SYTL4: variants seen among roughly 807,000 people sequenced by gnomAD.
The protein encoded by SYTL4 is synaptotagmin-like protein 4.
In SYTL4, 16 loss-of-function variants were observed where a neutral mutation model predicts 52.7. The ratio of observed to expected loss-of-function variants is 0.30; its 90% confidence interval spans 0.21 to 0.46. The LOEUF (loss-of-function observed/expected upper bound fraction) is 0.46. Among genes scored for constraint, SYTL4 ranks in the 20% least tolerant of loss-of-function variants. SYTL4 has a pLI of 1.00. For missense variants in SYTL4, 423 were observed against 519.9 expected, an observed-to-expected ratio of 0.81 and a Z score of 1.81; for synonymous variants, 160 against 186.6, an observed-to-expected ratio of 0.86 and a Z score of 1.16.
chrX:100,698,348 C>A (rs1464477786), intron 8 of SYTL4, among the ~76,000 whole-genome samples: 3 of 111,198 alleles, frequency 2.7e-5, no homozygotes, highest in Non-Finnish European at 3.8e-5. Flanking sequence ...TGTGATCCGC[C>A]CGCCTCGGCC....
rs908392026 is a variant in SYTL4, at chrX:100,701,226, G to A, written c.430C>T (p.Pro144Ser). The A allele has an allele frequency of 5.9e-5, 71 of 1,203,838 alleles. No homozygotes were observed. The highest frequency in any genetic ancestry group is 2.7e-4 in the South Asian group (15 of 56,399). ...EIIRMSLRHK[P>S]AVSKRETVGQ... ...CTCTAGACAGGTCCAGTACCTGCAGGTTTGTGGCGCAGGGACATCCTGATT... is the reference window on the plus strand; with the variant it reads ...CTCTAGACAGGTCCAGTACCTGCAGATTTGTGGCGCAGGGACATCCTGATT... Residue 144 changes from proline to serine, a missense_variant, in exon 7 of 20, where the codon CCT (proline) becomes TCT (serine). By Grantham distance (74) the Pro-to-Ser change is moderately conservative. Coordinates refer to ENST00000372989, the MANE Select transcript of SYTL4 (RefSeq NM_001370165.1).
chrX:100,690,601 A>T lies in SYTL4; in HGVS notation c.679T>A (p.Trp227Arg). ...GATTTGGGAGCAGACATCTTCTTCCATTCTGGAAAGAGGCCAGATTTATCC... is the reference window on the plus strand; with the variant it reads ...GATTTGGGAGCAGACATCTTCTTCCTTTCTGGAAAGAGGCCAGATTTATCC... ...SLDKSGLFPE[W>R]KKMSAPKSQV... The change falls in exon 10 of 20, where the codon TGG becomes AGG. Residue 227 changes from tryptophan to arginine, a missense_variant. Physicochemically the swap from Trp to Arg is moderately radical, Grantham distance 101 (BLOSUM62 -3). Transcript: ENST00000372989. 8.3e-7 allele frequency: 1 copy of T among 1,207,998 alleles called. No homozygotes were observed. Among genetic ancestry groups the T allele is most frequent in the African/African-American group, 1.7e-5 (1 of 57,642 alleles).
chrX:100,680,305 G>C (rs2147676163), intron 17 of SYTL4, among the ~76,000 whole-genome samples: 1 of 110,931 alleles, frequency 9.0e-6, no homozygotes, highest in African/African-American at 3.3e-5. Context: ...GATCTCTCTG[G>C]TTCTATACTT....
intron 4 of SYTL4, 74 bp from the exon 5 acceptor site, chrX:100,702,181 A>G (rs1368633475): frequency 2.3e-6 from 1 of 433,420 alleles, no homozygotes; most frequent in African/African-American, 2.5e-5. Context: ...AACCCTTTCA[A>G]TAGGTTCCTT....
At chrX:100,694,559 C>A (rs1385490875) in intron 8 of SYTL4, among the ~76,000 whole-genome samples, 1 of 111,687 alleles carries the variant, frequency 9.0e-6, no homozygotes. Context: ...TCATTCCTGG[C>A]ACTCCCTATA....
intron 3 of SYTL4, among the ~76,000 whole-genome samples, chrX:100,703,499 G>A (rs1388187397): frequency 1.8e-5 from 2 of 111,848 alleles, no homozygotes; most frequent in Non-Finnish European, 3.8e-5. Flanking sequence ...TAGCTATATC[G>A]CTCTAGTTAT....
At chrX:100,687,494 C>A in intron 13 of SYTL4, 1 of 368,808 alleles carries the variant, frequency 2.7e-6, no homozygotes, top group South Asian at 5.6e-5. Flanking sequence ...ACTCTTTTTA[C>A]AAATTTTAGT....
rs1465199329 is a variant in SYTL4 at position 100,675,337 on chromosome X, A to G, written c.*691T>C. The G allele has an allele frequency of 2.7e-5, 3 of 112,687 alleles. No individual in the cohort carries two copies. Among genetic ancestry groups the G allele is most frequent in the Non-Finnish European group, 5.6e-5 (3 of 53,368 alleles). 9.3% of individuals were successfully genotyped at this position (112,687 alleles called of 1,213,427 possible). On this transcript the variant is annotated 3_prime_UTR_variant, in exon 20 of 20. Coordinates refer to ENST00000372989, the MANE Select transcript of SYTL4 (RefSeq NM_001370165.1). ...TCTAATTAAAGTGCTTTTCAAAAGC[A>G]GCTCCATTATAAGAGTCCCCCAAAG...
chrX:100,683,628 A>C (rs764796195), intron 16 of SYTL4, among the ~76,000 whole-genome samples: 8 of 112,104 alleles, frequency 7.1e-5, no homozygotes, highest in Non-Finnish European at 1.5e-4. Context: ...TTGCTAGGGA[A>C]AAAACAAAAA....
chrX:100,695,065 G>C (rs1444883783), intron 8 of SYTL4, among the ~76,000 whole-genome samples: 1 of 76,836 alleles, frequency 1.3e-5, no homozygotes, highest in African/African-American at 5.4e-5. Context: ...CATTCCTCCA[G>C]AGAGGTAGTT....
At chrX:100,676,517 G>C (rs1392433283) in intron 19 of SYTL4, among the ~76,000 whole-genome samples, 1 of 111,533 alleles carries the variant, frequency 9.0e-6, no homozygotes, top group Non-Finnish European at 1.9e-5. Context: ...ACGGAGCCTC[G>C]CTCTGTCGCC....
At chrX:100,717,605 G>A (rs1035285775) in intron 2 of SYTL4, among the ~76,000 whole-genome samples, 5 of 112,544 alleles carry the variant, frequency 4.4e-5, no homozygotes, top group East Asian at 2.8e-4. Context: ...GCAAAAACAC[G>A]GCTAATTAGC....
chrX:100,725,796 C>T (rs1465355733), intron 2 of SYTL4, among the ~76,000 whole-genome samples: 9 of 110,965 alleles, frequency 8.1e-5, no homozygotes, highest in African/African-American at 2.0e-4. Context: ...GTTGGTGCAA[C>T]GTAAATCCTC....
chrX:100,713,573 G>A (rs762630511), intron 2 of SYTL4, among the ~76,000 whole-genome samples: 16 of 109,135 alleles, frequency 1.5e-4, no homozygotes, highest in African/African-American at 4.4e-4. Context: ...CCAAGATTGC[G>A]CCACTGCACT....
chrX:100,723,042 A>G (rs189713304), intron 2 of SYTL4, among the ~76,000 whole-genome samples: 120 of 110,323 alleles, frequency 1.1e-3, no homozygotes, highest in African/African-American at 4.0e-3. Flanking sequence ...TATTTGAAAC[A>G]GCAAAAAAAA....
chrX:100,687,503 G>A, intron 13 of SYTL4: 1 of 358,203 alleles, frequency 2.8e-6, no homozygotes, highest in Non-Finnish European at 4.8e-6. Flanking sequence ...ACAAATTTTA[G>A]TGTTCATTTT....
In SYTL4 at chrX:100,695,490, T is replaced by C. The variant is rs755528360; in HGVS notation, c.540-4281A>G. On this transcript the variant is annotated intron_variant, in intron 8 of 19. Coordinates refer to ENST00000372989, the MANE Select transcript of SYTL4 (RefSeq NM_001370165.1). Reference sequence around the variant, plus strand: ...AGATGTGTTAATCAGGTTCAGCAAATAAAAGCCATTCTTATCCTTAATCCA... The same window carrying C: ...AGATGTGTTAATCAGGTTCAGCAAACAAAAGCCATTCTTATCCTTAATCCA... Among the ~76,000 whole-genome samples the C allele has an allele frequency of 2.2e-4, 24 of 110,972 alleles. 1 individual carries two copies. The South Asian group carries it at 8.4e-3, about 39-fold the overall frequency.
chrX:100,718,295 C>G (rs2084268727), intron 2 of SYTL4, among the ~76,000 whole-genome samples: 2 of 111,596 alleles, frequency 1.8e-5, no homozygotes, highest in African/African-American at 6.5e-5. Flanking sequence ...GGGAGGCTGA[C>G]AAGCATAAAT....
intron 8 of SYTL4, among the ~76,000 whole-genome samples, chrX:100,696,805 C>T (rs1309671358): frequency 1.8e-5 from 2 of 110,956 alleles, no homozygotes; most frequent in Non-Finnish European, 3.8e-5. Context: ...GGAGGACTTA[C>T]TTTATACATT....
Sources: gnomAD v4.1 joint callset for allele counts (sites outside exome capture counted in the v4.1 genomes callset) on GRCh38, gnomAD v4.1.1 for gene constraint, MANE v1.5 for transcripts, NCBI Gene and HGNC (gene_info 2026-07-23, HGNC 2026-07-21) for gene names.